The following GPC6 variants were observed in gnomAD, a reference collection of about 807,000 sequenced individuals.
The protein encoded by GPC6 is glypican-6.
GPC6 carries 14 observed loss-of-function variants against 55.2 expected under a neutral mutation model. The ratio of observed to expected loss-of-function variants is 0.25; its 90% CI spans 0.17 to 0.40. The LOEUF (loss-of-function observed/expected upper bound fraction) is 0.40. GPC6 is among the 10% of genes least tolerant of loss of function. The pLI, the probability that GPC6 is intolerant of heterozygous loss-of-function variation, is 1.00. For missense variants in GPC6, 641 were observed against 708.5 expected, an observed-to-expected ratio of 0.90 and a Z score of 1.08; for synonymous variants, 278 against 259.6, an observed-to-expected ratio of 1.07 and a Z score of -0.68.
At chr13:93,353,735 C>T (rs769310293) in intron 1 of GPC6, among the ~76,000 whole-genome samples, 2 of 152,210 alleles carry the variant, frequency 1.3e-5, no homozygotes, top group African/African-American at 2.4e-5. Flanking sequence ...CACCTAAGTA[C>T]TATAGGTAAG....
At chr13:93,240,350 G>A (rs576543588) in intron 1 of GPC6, among the ~76,000 whole-genome samples, 2 of 152,076 alleles carry the variant, frequency 1.3e-5, no homozygotes, top group African/African-American at 4.8e-5. Flanking sequence ...TTCTTGTTGA[G>A]TTGACCAACT....
intron 3 of GPC6, among the ~76,000 whole-genome samples, chr13:94,017,502 A>G (rs1349729248): frequency 6.6e-6 from 1 of 152,100 alleles, no homozygotes; most frequent in Non-Finnish European, 1.5e-5. Flanking sequence ...CTTATTCACT[A>G]CCATGAGAAC....
intron 2 of GPC6, among the ~76,000 whole-genome samples, chr13:93,592,625 T>A (rs1424528176): frequency 1.3e-5 from 2 of 151,458 alleles, no homozygotes; most frequent in Non-Finnish European, 2.9e-5. Context: ...TTATTATTGC[T>A]AAAAATAAAT....
At chr13:94,181,400 G>A (rs771217422) in intron 4 of GPC6, among the ~76,000 whole-genome samples, 10 of 152,108 alleles carry the variant, frequency 6.6e-5, no homozygotes, top group South Asian at 2.1e-4. Flanking sequence ...AAGAACCTGC[G>A]TTGAAATATT....
chr13:93,723,734 C>T (rs1174270619), intron 2 of GPC6, among the ~76,000 whole-genome samples: 1 of 151,932 alleles, frequency 6.6e-6, no homozygotes, highest in Admixed American at 6.6e-5. Flanking sequence ...TTTATTCCAA[C>T]CAGATTTCAC....
chr13:93,478,104 G>A (rs1362863499), intron 1 of GPC6, among the ~76,000 whole-genome samples: 2 of 152,046 alleles, frequency 1.3e-5, no homozygotes, highest in Non-Finnish European at 2.9e-5. Flanking sequence ...TTTAAATCTG[G>A]TCAAGAAATG....
At chr13:93,731,902 T>C (rs897488400) in intron 2 of GPC6, among the ~76,000 whole-genome samples, 2 of 152,168 alleles carry the variant, frequency 1.3e-5, no homozygotes, top group African/African-American at 4.8e-5. Context: ...ATATATGTAA[T>C]AATGAAAGTG....
At chr13:93,420,538 C>T (rs534888831) in intron 1 of GPC6, among the ~76,000 whole-genome samples, 42 of 152,262 alleles carry the variant, frequency 2.8e-4, no homozygotes, top group Non-Finnish European at 4.9e-4. Flanking sequence ...GCAGATTTTG[C>T]TGGACCTTGA....
chr13:93,708,048 A>G (rs1193591015), intron 2 of GPC6, among the ~76,000 whole-genome samples: 1 of 151,832 alleles, frequency 6.6e-6, no homozygotes, highest in Non-Finnish European at 1.5e-5. Flanking sequence ...AATATTACTA[A>G]TACATCATGT....
intron 4 of GPC6, chr13:94,187,826 A>G (rs2138957402): frequency 6.6e-6 from 1 of 152,364 alleles, no homozygotes; most frequent in East Asian, 1.9e-4. Context: ...AGTAAGATAT[A>G]TATAGTTTTG....
chr13:93,633,201 A>G (rs2139574448), intron 2 of GPC6, among the ~76,000 whole-genome samples: 1 of 152,306 alleles, frequency 6.6e-6, no homozygotes, highest in Middle Eastern at 3.4e-3. Flanking sequence ...CTTCAAGGTA[A>G]CTGAGTTTTA....
intron 7 of GPC6, among the ~76,000 whole-genome samples, chr13:94,385,182 G>T (rs1220573882): frequency 1.3e-5 from 2 of 151,876 alleles, no homozygotes; most frequent in African/African-American, 4.8e-5. Context: ...GGAGGTTGCA[G>T]TGAGCCAAGA....
chr13:94,194,213 A>AT (rs368492268), intron 4 of GPC6, among the ~76,000 whole-genome samples: 24 of 152,364 alleles, frequency 1.6e-4, no homozygotes, highest in African/African-American at 5.5e-4. Flanking sequence ...GATTTAGCCA[A>AT]TAAAAGTATA....
chr13:93,772,680 C>T (rs1415987246), intron 2 of GPC6, among the ~76,000 whole-genome samples: 2 of 152,014 alleles, frequency 1.3e-5, no homozygotes, highest in Non-Finnish European at 2.9e-5. Context: ...GGATGCTGTC[C>T]TGATAGAAGC....
chr13:94,122,760 C>A (rs1206925148), intron 4 of GPC6, among the ~76,000 whole-genome samples: 1 of 152,100 alleles, frequency 6.6e-6, no homozygotes, highest in Non-Finnish European at 1.5e-5. Context: ...CCAACTTCCT[C>A]ATTTTGCAGA....
intron 1 of GPC6, among the ~76,000 whole-genome samples, chr13:93,254,913 A>G (rs905435219): frequency 2.5e-4 from 38 of 152,110 alleles, no homozygotes; most frequent in Non-Finnish European, 4.9e-4. Flanking sequence ...TGTTTCTGAG[A>G]AAAAAAATCA....
At chr13:93,294,861 C>T (rs1284099498) in intron 1 of GPC6, among the ~76,000 whole-genome samples, 1 of 152,016 alleles carries the variant, frequency 6.6e-6, no homozygotes, top group African/African-American at 2.4e-5. Context: ...CTTGGACATA[C>T]ATCAGCCATT....
intron 3 of GPC6, among the ~76,000 whole-genome samples, chr13:93,932,260 GT>G (rs1878216028): frequency 6.6e-6 from 1 of 152,102 alleles, no homozygotes; most frequent in South Asian, 2.1e-4. Flanking sequence ...TTTCCCAAAA[GT>G]TTAAAAATGA....
intron 1 of GPC6, among the ~76,000 whole-genome samples, chr13:93,504,771 T>G (rs970113401): frequency 2.0e-5 from 3 of 152,138 alleles, no homozygotes; most frequent in Non-Finnish European, 4.4e-5. Flanking sequence ...AACATTGAGT[T>G]CCTACTATCT....
Sources: gnomAD v4.1 joint callset for allele counts (sites outside exome capture counted in the v4.1 genomes callset) on GRCh38, gnomAD v4.1.1 for gene constraint, MANE v1.5 for transcripts, NCBI Gene and HGNC (gene_info 2026-07-23, HGNC 2026-07-21) for gene names.